RCAN2: variants seen among roughly 807,000 people sequenced by gnomAD.
RCAN2 encodes the protein calcipressin-2.
A neutral mutation model predicts 23.6 loss-of-function variants in RCAN2; 9 were observed. The observed-to-expected ratio is 0.38, with a 90% confidence interval of 0.23 to 0.67. The LOEUF is 0.67. RCAN2 is among the 30% of genes least tolerant of loss of function. The probability of loss-of-function intolerance (pLI) is 0.51; values close to 1 mark genes in which losing one functional copy is unlikely to be tolerated. For missense variants in RCAN2, 273 were observed against 302.3 expected (o/e 0.90, Z 0.72); for synonymous variants, 109 against 115.7 (o/e 0.94, Z 0.37).
chr6:46,413,426 TTCCC>T (rs1485009152), intron 2 of RCAN2, among the ~76,000 whole-genome samples: 5 of 152,212 alleles, frequency 3.3e-5, no homozygotes, highest in Non-Finnish European at 7.3e-5. Context: ...TTATGTGAAA[TTCCC>T]TTCAGTTCTG....
intron 2 of RCAN2, among the ~76,000 whole-genome samples, chr6:46,405,117 T>TA (rs1025265806): frequency 2.0e-5 from 3 of 152,174 alleles, no homozygotes; most frequent in African/African-American, 7.2e-5. Flanking sequence ...CGGTGAGTGT[T>TA]ACAGCTCTTA....
chr6:46,325,446 T>C, intron 2 of RCAN2: 1 of 1,613,972 alleles, frequency 6.2e-7, no homozygotes, highest in Non-Finnish European at 8.5e-7. Flanking sequence ...GCAACCAGAG[T>C]GGAAACATCA....
At chr6:46,436,875 T>C (rs1767384282) in intron 2 of RCAN2, among the ~76,000 whole-genome samples, 1 of 152,112 alleles carries the variant, frequency 6.6e-6, no homozygotes, top group Non-Finnish European at 1.5e-5. Flanking sequence ...CTTGAGTTCT[T>C]AGATAATAAA....
At chr6:46,467,967 C>A (rs1768443519) in intron 1 of RCAN2, among the ~76,000 whole-genome samples, 1 of 152,144 alleles carries the variant, frequency 6.6e-6, no homozygotes, top group Admixed American at 6.5e-5. Context: ...GAGTCTGAAT[C>A]CTCTTTCTAC....
At chr6:46,419,661 TC>T (rs1336901081) in intron 2 of RCAN2, among the ~76,000 whole-genome samples, 1 of 152,206 alleles carries the variant, frequency 6.6e-6, no homozygotes, top group African/African-American at 2.4e-5. Context: ...AAAATATTTT[TC>T]CCCTGAAAAT....
intron 2 of RCAN2, among the ~76,000 whole-genome samples, chr6:46,426,474 G>A (rs146874975): frequency 7.2e-5 from 11 of 152,090 alleles, no homozygotes; most frequent in African/African-American, 2.4e-4. Flanking sequence ...CAATTTTACC[G>A]CTTTTAGTAC....
intron 2 of RCAN2, among the ~76,000 whole-genome samples, chr6:46,386,617 A>AC (rs1213523697): frequency 6.6e-6 from 1 of 151,376 alleles, no homozygotes; most frequent in African/African-American, 2.4e-5. Context: ...TCACAAAAAA[A>AC]AAAAAAAAAA....
chr6:46,404,058 C>G (rs1766331713), intron 2 of RCAN2, among the ~76,000 whole-genome samples: 1 of 152,098 alleles, frequency 6.6e-6, no homozygotes. Flanking sequence ...CCCGTCTCTA[C>G]TAAAAATACA....
At chr6:46,363,806 T>TA (rs5875962) in intron 2 of RCAN2, among the ~76,000 whole-genome samples, 150,128 of 151,766 alleles carry the variant, frequency 0.99, 74,274 homozygotes, top group Non-Finnish European at 1. Flanking sequence ...CTCATGCAAA[T>TA]AAAAAAAATG....
At chr6:46,480,548 G>C (rs1221169228) in intron 1 of RCAN2, among the ~76,000 whole-genome samples, 1 of 152,058 alleles carries the variant, frequency 6.6e-6, no homozygotes, top group Non-Finnish European at 1.5e-5. Context: ...ACAGAGATGT[G>C]GTACTAGGTC....
intron 2 of RCAN2, among the ~76,000 whole-genome samples, chr6:46,410,358 C>G (rs558424053): frequency 5.9e-5 from 9 of 152,148 alleles, no homozygotes; most frequent in Non-Finnish European, 1.2e-4. Flanking sequence ...CGTACCTTTC[C>G]TACTGGTTCC....
At chr6:46,353,247 C>T (rs887919692) in intron 2 of RCAN2, among the ~76,000 whole-genome samples, 3 of 152,084 alleles carry the variant, frequency 2.0e-5, no homozygotes, top group African/African-American at 7.2e-5. Context: ...TGAGCTTCTT[C>T]CTGGTAGTTT....
At chr6:46,355,766 A>G (rs1764809590) in intron 2 of RCAN2, among the ~76,000 whole-genome samples, 1 of 152,160 alleles carries the variant, frequency 6.6e-6, no homozygotes, top group African/African-American at 2.4e-5. Context: ...GTGTAGAACA[A>G]AAACTTGTGA....
chr6:46,298,015 T>G (rs1762774777), intron 2 of RCAN2, among the ~76,000 whole-genome samples: 1 of 152,026 alleles, frequency 6.6e-6, no homozygotes, highest in Non-Finnish European at 1.5e-5. Context: ...ATCAAACTAG[T>G]TTGAAAGCTT....
At position 46,293,400 on chromosome 6, in the gene RCAN2, A is replaced by T. The variant is rs570126633; in HGVS notation, c.226-44504T>A. On this transcript the variant is annotated intron_variant, in intron 2 of 4. Coordinates refer to ENST00000371374, the MANE Select transcript of RCAN2 (RefSeq NM_001251974.2). ...ATTCATGCCAAAGAATTATTTTTCT[A>T]CAACTTCATGGGTGGGTATAGACAT... Among the ~76,000 whole-genome samples the T allele has an allele frequency of 4.1e-4, 62 of 152,300 alleles. 2 individuals carry two copies. The East Asian group carries it at 0.012, about 29-fold the overall frequency.
intron 4 of RCAN2, among the ~76,000 whole-genome samples, chr6:46,229,528 A>T (rs960539684): frequency 6.6e-6 from 1 of 152,160 alleles, no homozygotes; most frequent in African/African-American, 2.4e-5. Context: ...TTGATCTTCA[A>T]TCACTGATAC....
intron 2 of RCAN2, among the ~76,000 whole-genome samples, chr6:46,451,360 A>G (rs1767878785): frequency 6.6e-6 from 1 of 152,146 alleles, no homozygotes; most frequent in Non-Finnish European, 1.5e-5. Flanking sequence ...AAAGGGAGGA[A>G]TATTTCTACA....
intron 2 of RCAN2, among the ~76,000 whole-genome samples, chr6:46,267,161 C>T (rs541612434): frequency 2.6e-4 from 40 of 152,238 alleles, no homozygotes; most frequent in African/African-American, 8.2e-4. Context: ...ATGGTAACGT[C>T]AAGCCTCTAA....
intron 2 of RCAN2, among the ~76,000 whole-genome samples, chr6:46,285,371 T>C (rs1418815337): frequency 6.6e-6 from 1 of 152,236 alleles, no homozygotes; most frequent in African/African-American, 2.4e-5. Context: ...ACATTACATT[T>C]TGAGAAACAC....
Sources: allele counts gnomAD v4.1 joint callset (sites outside exome capture counted in the v4.1 genomes callset), GRCh38; gene constraint gnomAD v4.1.1; transcripts MANE v1.5; gene names NCBI Gene and HGNC (gene_info 2026-07-23, HGNC 2026-07-21).